Variants in PRKG1 observed in about 807,000 individuals in gnomAD.
PRKG1 encodes protein kinase cGMP-dependent 1, also known as cGMP-dependent protein kinase 1.
PRKG1 carries 35 observed loss-of-function variants against 88.1 expected under a neutral mutation model. That is an observed-to-expected ratio of 0.40 (90% confidence interval 0.30 to 0.53). PRKG1 has a LOEUF of 0.53. PRKG1 is among the 20% of genes least tolerant of loss of function. The pLI is 0.59. For synonymous variants in PRKG1, 303 were observed against 292.5 expected (o/e 1.04, Z -0.37); for missense variants, 540 against 839.8 (o/e 0.64, Z 4.41).
intron 3 of PRKG1, among the ~76,000 whole-genome samples, chr10:51,788,448 C>T (rs866472070): frequency 6.6e-6 from 1 of 152,084 alleles, no homozygotes; most frequent in African/African-American, 2.4e-5. Context: ...ATGTCATCTG[C>T]CAGCAGAGAA....
chr10:52,067,299 C>T (rs1164208010), intron 7 of PRKG1, among the ~76,000 whole-genome samples: 1 of 152,128 alleles, frequency 6.6e-6, no homozygotes, highest in African/African-American at 2.4e-5. Context: ...TTTGTGTGTA[C>T]TCGGAATTTT....
intron 1 of PRKG1, among the ~76,000 whole-genome samples, chr10:51,064,118 A>G (rs1433408589): frequency 6.6e-6 from 1 of 152,104 alleles, no homozygotes; most frequent in African/African-American, 2.4e-5. Context: ...AATAAAGAAT[A>G]TATTTTCTAC....
intron 4 of PRKG1, among the ~76,000 whole-genome samples, chr10:51,807,042 G>A (rs1259016344): frequency 5.3e-5 from 8 of 152,104 alleles, no homozygotes; most frequent in Non-Finnish European, 1.0e-4. Context: ...TTTATTGTCT[G>A]CTTTGGTTTA....
At chr10:51,128,625 T>A (rs1180309278) in intron 1 of PRKG1, among the ~76,000 whole-genome samples, 1 of 152,152 alleles carries the variant, frequency 6.6e-6, no homozygotes, top group Non-Finnish European at 1.5e-5. Flanking sequence ...TAGACCAGGG[T>A]AAGTGGAATT....
chr10:51,523,094 C>A (rs891848027), intron 3 of PRKG1, among the ~76,000 whole-genome samples: 4 of 152,002 alleles, frequency 2.6e-5, no homozygotes, highest in Admixed American at 2.6e-4. Context: ...CCAGATACTG[C>A]GAGGTTGAAG....
chr10:51,655,226 G>A (rs549343922), intron 3 of PRKG1, among the ~76,000 whole-genome samples: 2 of 152,158 alleles, frequency 1.3e-5, no homozygotes, highest in African/African-American at 4.8e-5. Context: ...CTGGATTCAT[G>A]TTTCATAGAA....
intron 3 of PRKG1, among the ~76,000 whole-genome samples, chr10:51,702,475 C>CT (rs1332767405): frequency 2.0e-5 from 3 of 152,066 alleles, no homozygotes; most frequent in Non-Finnish European, 2.9e-5. Context: ...TTTTATACTG[C>CT]TTTTTTATTC....
chr10:51,089,890 C>A (rs1290079627), intron 1 of PRKG1, among the ~76,000 whole-genome samples: 1 of 152,152 alleles, frequency 6.6e-6, no homozygotes, highest in Non-Finnish European at 1.5e-5. Flanking sequence ...TTAGCTCAAC[C>A]CATTCTTCAC....
chr10:52,134,917 T>A (rs1837364086), intron 8 of PRKG1, among the ~76,000 whole-genome samples: 1 of 152,132 alleles, frequency 6.6e-6, no homozygotes, highest in South Asian at 2.1e-4. Flanking sequence ...TTTCTGAAAT[T>A]GTTATATTTT....
intron 1 of PRKG1, among the ~76,000 whole-genome samples, chr10:51,021,500 T>A (rs574175662): frequency 1.4e-4 from 21 of 152,306 alleles, no homozygotes; most frequent in Admixed American, 7.2e-4. Flanking sequence ...CAGTTAATAA[T>A]TCTGACCCAT....
intron 3 of PRKG1, among the ~76,000 whole-genome samples, chr10:51,688,431 TTAA>T (rs1841049045): frequency 6.6e-6 from 1 of 151,910 alleles, no homozygotes; most frequent in African/African-American, 2.4e-5. Context: ...CCCGTGGAGG[TTAA>T]AGGGAGACAA....
At chr10:51,939,165 C>T (rs1295134255) in intron 5 of PRKG1, among the ~76,000 whole-genome samples, 1 of 152,006 alleles carries the variant, frequency 6.6e-6, no homozygotes, top group Non-Finnish European at 1.5e-5. Context: ...GCTCCATTGT[C>T]ACCACACATT....
At chr10:51,926,388 T>C (rs1404245968) in intron 5 of PRKG1, among the ~76,000 whole-genome samples, 1 of 152,188 alleles carries the variant, frequency 6.6e-6, no homozygotes, top group East Asian at 1.9e-4. Flanking sequence ...GTAGCAGAAT[T>C]GATTCAGCAA....
At chr10:51,006,962 G>A (rs1476362918) in intron 1 of PRKG1, among the ~76,000 whole-genome samples, 1 of 138,112 alleles carries the variant, frequency 7.2e-6, no homozygotes, top group Non-Finnish European at 1.6e-5. Flanking sequence ...TTTTTGAGAT[G>A]GCGTCTTGTT....
At chr10:51,596,976 G>A (rs1426727635) in intron 3 of PRKG1, among the ~76,000 whole-genome samples, 1 of 152,110 alleles carries the variant, frequency 6.6e-6, no homozygotes, top group African/African-American at 2.4e-5. Flanking sequence ...CAATTGGACT[G>A]ATTACTTACT....
intron 10 of PRKG1, among the ~76,000 whole-genome samples, chr10:52,267,050 CAT>C (rs1841591505): frequency 6.9e-6 from 1 of 144,214 alleles, no homozygotes; most frequent in Admixed American, 6.8e-5. Flanking sequence ...AAATCATCAT[CAT>C]CATCATCATC....
rs551612072 is a variant in PRKG1, at chr10:51,823,998, C to T, written c.698+19308C>T. Among the ~76,000 whole-genome samples the T allele has an allele frequency of 2.5e-4, 37 of 150,932 alleles. 1 individual carries two copies. The highest frequency in any genetic ancestry group is 7.3e-4 in the African/African-American group (30 of 41,104). ...AAGCAAATCTTCTGCCTCAGCCTAA[C>T]GAGTAGCTAGGACTACATGTGTGCA... On this transcript the variant is annotated intron_variant, in intron 4 of 17. Transcript: ENST00000373980.
chr10:52,109,077 C>T (rs900543987), intron 7 of PRKG1, among the ~76,000 whole-genome samples: 3 of 152,036 alleles, frequency 2.0e-5, no homozygotes, highest in Admixed American at 1.3e-4. Context: ...CCACCTGCCT[C>T]GGCCTCCCAA....
At chr10:51,146,188 CAA>C (rs540117404) in intron 1 of PRKG1, among the ~76,000 whole-genome samples, 3 of 137,898 alleles carry the variant, frequency 2.2e-5, no homozygotes, top group Non-Finnish European at 3.2e-5. Flanking sequence ...GACTCTGTCT[CAA>C]AAAAAAAAAA....
Sources: allele counts gnomAD v4.1 joint callset (sites outside exome capture counted in the v4.1 genomes callset), GRCh38; gene constraint gnomAD v4.1.1; transcripts MANE v1.5; gene names NCBI Gene and HGNC (gene_info 2026-07-23, HGNC 2026-07-21).